Variants in TOM1L1 observed in about 807,000 individuals in gnomAD.
TOM1L1 encodes TOM1-like protein 1.
A neutral mutation model predicts 63.4 loss-of-function variants in TOM1L1; 64 were observed. The ratio of observed to expected loss-of-function variants is 1.01; its 90% confidence interval spans 0.83 to 1.24. The LOEUF is 1.24. Among genes scored for constraint, TOM1L1 ranks in the 50% most tolerant of loss-of-function variants. The pLI is 0.00. For synonymous variants in TOM1L1, 166 were observed against 194.4 expected (o/e 0.85, Z 1.22); for missense variants, 536 against 567.0 (o/e 0.95, Z 0.55).
intron 15 of TOM1L1, 36 bp from the exon 16 acceptor site, chr17:54,961,199 G>A: frequency 7.5e-7 from 1 of 1,327,630 alleles, no homozygotes; most frequent in South Asian, 1.3e-5. Context: ...GAGAAGGACA[G>A]GATGAATACT....
chr17:54,954,054 G>A (rs1032537703), intron 14 of TOM1L1: 1 of 152,126 alleles, frequency 6.6e-6, no homozygotes, highest in East Asian at 1.9e-4. Flanking sequence ...TAATGATGAA[G>A]CCACTCTTGA....
intron 9 of TOM1L1, among the ~76,000 whole-genome samples, 153 bp from the exon 10 acceptor site, chr17:54,936,956 A>G (rs887873857): frequency 1.3e-5 from 2 of 152,210 alleles, no homozygotes; most frequent in Non-Finnish European, 2.9e-5. Flanking sequence ...TGTAGGTGGT[A>G]AGATGGGATT....
intron 14 of TOM1L1, chr17:54,958,207 A>C (rs1473329546): frequency 6.6e-6 from 1 of 152,252 alleles, no homozygotes; most frequent in Non-Finnish European, 1.5e-5. Context: ...ATTTGGAAGC[A>C]AAAAGGAGCG....
intron 1 of TOM1L1, 163 bp downstream of exon 1, chr17:54,901,086 C>T (rs1567816494): frequency 1.1e-6 from 1 of 938,154 alleles, no homozygotes; most frequent in Admixed American, 2.3e-5. Flanking sequence ...ACCCGGCCCC[C>T]TTTCGTCGTT....
At chr17:54,901,945 A>G (rs1333787413) in intron 1 of TOM1L1, among the ~76,000 whole-genome samples, 1 of 152,082 alleles carries the variant, frequency 6.6e-6, no homozygotes, top group East Asian at 1.9e-4. Context: ...AAATGGATTC[A>G]GACTGTGTCT....
chr17:54,939,760 G>C (rs1010364679), intron 11 of TOM1L1, among the ~76,000 whole-genome samples: 3 of 152,046 alleles, frequency 2.0e-5, no homozygotes, highest in African/African-American at 7.2e-5. Context: ...ATGGGGTCTC[G>C]CTTTGTTGCC....
chr17:54,930,365 T>C, intron 8 of TOM1L1, 159 bp downstream of exon 8: 2 of 906,230 alleles, frequency 2.2e-6, no homozygotes, highest in Non-Finnish European at 1.7e-6. Flanking sequence ...AGTTTTCCCT[T>C]GTACAGCTCC....
At position 54,949,629 on chromosome 17, in the gene TOM1L1, T is replaced by TG. The variant is rs1758087557; in HGVS notation, c.1288+9dup. On this transcript the variant is annotated splice_region_variant and intron_variant, in intron 13 of 15. Coordinates refer to ENST00000575882, the MANE Select transcript of TOM1L1 (RefSeq NM_005486.3). The stretch of plus-strand genomic sequence containing the variant: ...TTTGCCCAGCAATCATCCAGGTACA[T>TG]GGGACCTTATTATTCGCATCAAATA... The TG allele has an allele frequency of 1.2e-6, 2 of 1,603,074 alleles. No individual in the cohort carries two copies. The highest frequency in any genetic ancestry group is 1.7e-6 in the Non-Finnish European group (2 of 1,169,936).
rs372776781 is a variant in TOM1L1 at position 54,958,748 on chromosome 17, A to AAAAAG, written c.1371-1818_1371-1817insAAAAG. 3.8e-3 allele frequency among the ~76,000 whole-genome samples: 448 copies of AAAAAG among 118,728 alleles called. 3 individuals are homozygous for AAAAAG. The highest frequency in any genetic ancestry group is 6.1e-3 in the African/African-American group (196 of 32,168). The allele number at this position is 118,728 out of a possible 152,430, so 77.9% of individuals were successfully genotyped here. A position where few individuals can be genotyped will look rare whatever the true frequency, so the allele number is the denominator to read the frequency against. ...TCCATCTCAAAAAAAAAAAAAAAAA[A>AAAAAG]GGGGTTGTTGGTAGCTAGAGGATAC... On this transcript the variant is annotated intron_variant, in intron 14 of 15. Coordinates refer to ENST00000575882, the MANE Select transcript of TOM1L1 (RefSeq NM_005486.3).
At chr17:54,958,688 C>T (rs918559254) in intron 14 of TOM1L1, among the ~76,000 whole-genome samples, 1 of 134,690 alleles carries the variant, frequency 7.4e-6, no homozygotes, top group Non-Finnish European at 1.5e-5. Context: ...TGAGATCCCA[C>T]TATTGCACTC....
chr17:54,901,884 C>G (rs1424775952), intron 1 of TOM1L1, among the ~76,000 whole-genome samples: 1 of 152,096 alleles, frequency 6.6e-6, no homozygotes, highest in Non-Finnish European at 1.5e-5. Flanking sequence ...TGAGGAGATG[C>G]TTTCCCTTAA....
At chr17:54,906,830 T>G (rs1221294195) in intron 3 of TOM1L1, 7 of 985,044 alleles carry the variant, frequency 7.1e-6, no homozygotes, top group Non-Finnish European at 7.2e-6. Flanking sequence ...AAGCCCTGCC[T>G]GCTGCCTGAG....
intron 13 of TOM1L1, 105 bp from the exon 14 acceptor site, chr17:54,949,940 T>C: frequency 1.1e-6 from 1 of 910,500 alleles, no homozygotes. Flanking sequence ...TTTGGTTGTG[T>C]TTATTAGGAT....
chr17:54,938,361 G>A (rs575785174), intron 10 of TOM1L1, among the ~76,000 whole-genome samples: 32 of 152,120 alleles, frequency 2.1e-4, no homozygotes, highest in Admixed American at 1.9e-3. Context: ...GGGAGTGGTG[G>A]TGGGCGCCTA....
rs1313228264 is a variant in TOM1L1, at chr17:54,937,107, A to G, written c.916-2A>G. 2 of 1,577,742 alleles carry G rather than the reference A, an allele frequency of 1.3e-6. No individual in the cohort carries two copies. The highest frequency in any genetic ancestry group is 1.7e-6 in the Non-Finnish European group (2 of 1,163,146). ...TTTTTTTTTTTTTTGCTTTGTTTTC[A>G]GACTACCAGTGAGCCTTCTGCCCCA... On this transcript the variant is annotated splice_acceptor_variant, in intron 9 of 15. Coordinates refer to ENST00000575882, the MANE Select transcript of TOM1L1 (RefSeq NM_005486.3). LOFTEE classifies it high-confidence loss of function.
intron 10 of TOM1L1, 99 bp from the exon 11 acceptor site, chr17:54,938,824 TC>T: frequency 4.7e-6 from 3 of 633,400 alleles, no homozygotes; most frequent in Non-Finnish European, 2.6e-6. Context: ...CTTTTTTTTT[TC>T]TTTTTCTTTT....
chr17:54,956,572 G>C (rs1190283106), intron 14 of TOM1L1, among the ~76,000 whole-genome samples: 2 of 152,086 alleles, frequency 1.3e-5, no homozygotes, highest in Non-Finnish European at 2.9e-5. Flanking sequence ...GCCTCCCAAA[G>C]TGCTGGGATT....
intron 7 of TOM1L1, among the ~76,000 whole-genome samples, chr17:54,925,846 T>C (rs1452345091): frequency 6.6e-6 from 1 of 152,010 alleles, no homozygotes; most frequent in Admixed American, 6.6e-5. Context: ...AAAGTTGCAG[T>C]GAGCTGAGAT....
Position 54,938,914 on chromosome 17 carries a change from T to G in TOM1L1, c.1034-10T>G. On this transcript the variant is annotated splice_polypyrimidine_tract_variant and intron_variant, in intron 10 of 15. Coordinates refer to ENST00000575882, the MANE Select transcript of TOM1L1 (RefSeq NM_005486.3). ...GTTTTAAAGCCAAACAAGTCCATTTTGTGTTTTAGATTTCAGCCTTCCAAG... is the reference window on the plus strand; with the variant it reads ...GTTTTAAAGCCAAACAAGTCCATTTGGTGTTTTAGATTTCAGCCTTCCAAG... 1 of 1,585,952 alleles carries G rather than the reference T, an allele frequency of 6.3e-7. No homozygotes were observed. Among genetic ancestry groups the G allele is most frequent in the Non-Finnish European group, 8.6e-7 (1 of 1,158,278 alleles).
Sources: allele counts gnomAD v4.1 joint callset (sites outside exome capture counted in the v4.1 genomes callset), GRCh38; gene constraint gnomAD v4.1.1; transcripts MANE v1.5; gene names NCBI Gene and HGNC (gene_info 2026-07-23, HGNC 2026-07-21).